PRKCB: variants seen among roughly 807,000 people sequenced by gnomAD.
PRKCB encodes protein kinase C beta.
In PRKCB, 13 loss-of-function variants were observed where a neutral mutation model predicts 81.5. The ratio of observed to expected loss-of-function variants is 0.16; its 90% confidence interval spans 0.10 to 0.25. The LOEUF is 0.25. PRKCB is among the 10% of genes least tolerant of loss of function. PRKCB has a pLI of 1.00. For synonymous variants in PRKCB, 335 were observed against 321.4 expected (o/e 1.04, Z -0.45); for missense variants, 509 against 875.7 (o/e 0.58, Z 5.29).
In PRKCB at chr16:24,206,592, T is replaced by A. The variant is rs541990038; in HGVS notation, c.1864-8066T>A. Among the ~76,000 whole-genome samples the A allele has an allele frequency of 3.0e-4, 45 of 152,298 alleles. No individual in the cohort carries two copies. In the East Asian group the frequency reaches 6.8e-3, roughly 23 times the overall value. Reference sequence around the variant, plus strand: ...TTTTACCTCCATTTCTTCTCCAGGCTCTTTCCTTTCCTCCTCCAAAGAAGC... The same window carrying A: ...TTTTACCTCCATTTCTTCTCCAGGCACTTTCCTTTCCTCCTCCAAAGAAGC... On this transcript the variant is annotated intron_variant, in intron 16 of 16. Transcript: ENST00000643927.
chr16:24,120,473 A>G (rs1487546352), intron 8 of PRKCB, among the ~76,000 whole-genome samples: 1 of 152,160 alleles, frequency 6.6e-6, no homozygotes, highest in African/African-American at 2.4e-5. Flanking sequence ...TGTGGGGAAG[A>G]GGGGATCTCA....
chr16:23,996,855 C>A (rs1374698143), intron 3 of PRKCB, among the ~76,000 whole-genome samples: 1 of 152,002 alleles, frequency 6.6e-6, no homozygotes, highest in Non-Finnish European at 1.5e-5. Context: ...CAATACCTTG[C>A]ATGCCTGGGC....
intron 2 of PRKCB, among the ~76,000 whole-genome samples, chr16:23,974,456 A>G (rs1173967369): frequency 6.6e-6 from 1 of 152,146 alleles, no homozygotes; most frequent in Non-Finnish European, 1.5e-5. Context: ...GAAGGGCTGG[A>G]GAACAGGAGG....
In PRKCB at chr16:24,191,068, A is replaced by T. The variant is rs753819785; in HGVS notation, c.1723-22A>T. 4 of 1,609,466 alleles carry T rather than the reference A, an allele frequency of 2.5e-6. No homozygotes were observed. In the Admixed American group the frequency reaches 6.7e-5, roughly 27 times the overall value. ...TCCTCTTCTGAAACTCAGCAAATTC[A>T]ATGTTTTTCTTTCTCTCGAAGCTGA... On this transcript the variant is annotated intron_variant, in intron 15 of 16. Transcript: ENST00000643927.
intron 3 of PRKCB, among the ~76,000 whole-genome samples, chr16:24,004,540 AG>A (rs1285480570): frequency 6.6e-6 from 1 of 151,468 alleles, no homozygotes; most frequent in Non-Finnish European, 1.5e-5. Flanking sequence ...CTGTAGTCCC[AG>A]CTACTCAGGA....
chr16:23,900,962 C>T (rs971810605), intron 2 of PRKCB, among the ~76,000 whole-genome samples: 2 of 151,962 alleles, frequency 1.3e-5, no homozygotes, highest in African/African-American at 4.8e-5. Flanking sequence ...GATGTCTGAT[C>T]CTGTGCACCG....
chr16:24,067,196 A>G (rs1339388003), intron 5 of PRKCB, among the ~76,000 whole-genome samples: 2 of 152,114 alleles, frequency 1.3e-5, no homozygotes, highest in African/African-American at 4.8e-5. Context: ...AACTTTCCAC[A>G]TTGTCATCCT....
In PRKCB at chr16:24,169,425, C is replaced by T. The variant is rs75584432; in HGVS notation, c.1240-2845C>T. Among the ~76,000 whole-genome samples the T allele has an allele frequency of 5.7e-3, 874 of 152,206 alleles. 8 individuals are homozygous for T. Among genetic ancestry groups the T allele is most frequent in the African/African-American group, 0.02 (845 of 41,528 alleles). ...GACCCCGAACCTTTGTGTTAGCCTACGTGACCTTACATGATGCGTCCCTCA... is the reference window on the plus strand; with the variant it reads ...GACCCCGAACCTTTGTGTTAGCCTATGTGACCTTACATGATGCGTCCCTCA... On this transcript the variant is annotated intron_variant, in intron 10 of 16. Coordinates refer to ENST00000643927, the MANE Select transcript of PRKCB (RefSeq NM_002738.7).
intron 5 of PRKCB, among the ~76,000 whole-genome samples, chr16:24,055,431 G>A (rs995459588): frequency 2.0e-5 from 3 of 152,316 alleles, no homozygotes; most frequent in Admixed American, 6.5e-5. Flanking sequence ...AGCTGCATGC[G>A]GCAGCCACGG....
intron 2 of PRKCB, among the ~76,000 whole-genome samples, chr16:23,939,447 A>G (rs1251566844): frequency 6.6e-6 from 1 of 152,228 alleles, no homozygotes; most frequent in Non-Finnish European, 1.5e-5. Flanking sequence ...AAGAAGTAGA[A>G]TAAAATGGGA....
At chr16:24,163,928 T>G (rs1967303080) in intron 10 of PRKCB, among the ~76,000 whole-genome samples, 1 of 152,210 alleles carries the variant, frequency 6.6e-6, no homozygotes, top group African/African-American at 2.4e-5. Flanking sequence ...CCAGGGCTCT[T>G]AACCACAGCA....
rs1251234264 is a variant in PRKCB, at chr16:24,174,560, G to T, written c.1374G>T (p.Gln458His). The change falls in exon 12 of 17, where the codon CAG (glutamine) becomes CAT (histidine). Residue 458 changes from glutamine to histidine, a missense_variant. Gln to His is a conservative substitution (Grantham distance 24). Around this residue, in one of 6 missense-constraint regions of PRKCB, gnomAD observed 106 missense variants for 214.0 expected, o/e 0.50. Coordinates refer to ENST00000643927, the MANE Select transcript of PRKCB (RefSeq NM_002738.7). ...TTGCCATCGGTCTGTTCTTCTTACA[G>T]AGTAAGGGCATCATTTACCGGTAAG... ...AEIAIGLFFL[Q>H]SKGIIYRDLK... The T allele has an allele frequency of 1.2e-6, 2 of 1,612,704 alleles. No individual in the cohort carries two copies. The highest frequency in any genetic ancestry group is 3.3e-5 in the Admixed American group (2 of 59,898).
chr16:24,094,339 C>A, intron 7 of PRKCB, 42 bp downstream of exon 7: 1 of 1,600,036 alleles, frequency 6.2e-7, no homozygotes, highest in South Asian at 1.1e-5. Context: ...ACAGCTTGCT[C>A]CATCAAACGC....
At chr16:23,993,160 A>C (rs1964910805) in intron 3 of PRKCB, among the ~76,000 whole-genome samples, 1 of 152,164 alleles carries the variant, frequency 6.6e-6, no homozygotes, top group Admixed American at 6.5e-5. Flanking sequence ...GCTATACCCC[A>C]AAAGAACTAT....
At chr16:23,887,547 G>T (rs936004144) in intron 2 of PRKCB, among the ~76,000 whole-genome samples, 3 of 152,184 alleles carry the variant, frequency 2.0e-5, no homozygotes, top group African/African-American at 7.2e-5. Flanking sequence ...TTATGGCTGT[G>T]TAGTATTCCA....
intron 10 of PRKCB, among the ~76,000 whole-genome samples, chr16:24,167,861 C>A (rs1967372043): frequency 1.3e-5 from 2 of 152,218 alleles, no homozygotes; most frequent in Admixed American, 1.3e-4. Flanking sequence ...AAGTTACTTA[C>A]CCTTTCTGAG....
At chr16:24,182,790 A>G (rs1361716748) in intron 13 of PRKCB, among the ~76,000 whole-genome samples, 1 of 151,974 alleles carries the variant, frequency 6.6e-6, no homozygotes, top group Non-Finnish European at 1.5e-5. Flanking sequence ...ACGACCAGCG[A>G]GGAACTTCTG....
At chr16:24,008,151 A>G (rs1216054228) in intron 3 of PRKCB, among the ~76,000 whole-genome samples, 1 of 152,250 alleles carries the variant, frequency 6.6e-6, no homozygotes, top group East Asian at 1.9e-4. Flanking sequence ...AAACTGAGGT[A>G]CTCAGAGACT....
intron 7 of PRKCB, among the ~76,000 whole-genome samples, chr16:24,105,514 T>A (rs1966564028): frequency 6.6e-6 from 1 of 152,180 alleles, no homozygotes; most frequent in Admixed American, 6.5e-5. Flanking sequence ...GTATTTGTCT[T>A]AATGCTCTCC....
Sources: allele counts gnomAD v4.1 joint callset (sites outside exome capture counted in the v4.1 genomes callset), GRCh38; gene constraint gnomAD v4.1.1; regional missense constraint gnomAD v4.1.1; transcripts MANE v1.5; gene names NCBI Gene and HGNC (gene_info 2026-07-23, HGNC 2026-07-21).